C10orf143: variants seen among roughly 807,000 people sequenced by gnomAD.
C10orf143 encodes chromosome 10 open reading frame 143, also known as uncharacterized protein C10orf143.
chr10:130,104,272 T>C (rs1245151134), intron 1 of C10orf143: 2 of 152,196 alleles, frequency 1.3e-5, no homozygotes, highest in African/African-American at 4.8e-5. Flanking sequence ...CATTGAACTA[T>C]GACACATGTG....
chr10:130,071,522 C>A (rs1354781596), intron 3 of C10orf143, among the ~76,000 whole-genome samples: 4 of 152,176 alleles, frequency 2.6e-5, no homozygotes, highest in African/African-American at 9.7e-5. Flanking sequence ...TCAAGAAACC[C>A]ATCTTTATAT....
chr10:130,047,773 C>A (rs1179100056), intron 3 of C10orf143, among the ~76,000 whole-genome samples: 1 of 152,182 alleles, frequency 6.6e-6, no homozygotes, highest in Non-Finnish European at 1.5e-5. Flanking sequence ...CCTCTAGTGC[C>A]CATAAGAGAT....
At chr10:130,043,137 C>G (rs1163903498) in intron 3 of C10orf143, among the ~76,000 whole-genome samples, 1 of 152,104 alleles carries the variant, frequency 6.6e-6, no homozygotes, top group Non-Finnish European at 1.5e-5. Context: ...GAAAGTTAAG[C>G]AGCTGATATA....
intron 1 of C10orf143, among the ~76,000 whole-genome samples, chr10:130,084,151 A>C: frequency 6.6e-6 from 1 of 151,910 alleles, no homozygotes; most frequent in East Asian, 1.9e-4. Context: ...TCTACTAAAA[A>C]TACAAAAAAA....
At chr10:130,045,783 C>A (rs887662305) in intron 3 of C10orf143, among the ~76,000 whole-genome samples, 2 of 152,192 alleles carry the variant, frequency 1.3e-5, no homozygotes, top group Non-Finnish European at 2.9e-5. Flanking sequence ...TGCCTCGACT[C>A]GAGGCTCAGC....
At chr10:130,087,000 A>G (rs1380576202) in intron 1 of C10orf143, among the ~76,000 whole-genome samples, 19 of 152,234 alleles carry the variant, frequency 1.2e-4, no homozygotes, top group Admixed American at 1.2e-3. Context: ...TAGTAGGAGA[A>G]AGGAGAGCCA....
chr10:130,078,816 C>G (rs1263300270), intron 3 of C10orf143, among the ~76,000 whole-genome samples: 2 of 152,144 alleles, frequency 1.3e-5, no homozygotes, highest in African/African-American at 4.8e-5. Flanking sequence ...CAATACATTT[C>G]TCTAAAGATC....
At chr10:130,095,766 T>A (rs1280660991) in intron 1 of C10orf143, among the ~76,000 whole-genome samples, 1 of 152,180 alleles carries the variant, frequency 6.6e-6, no homozygotes, top group Non-Finnish European at 1.5e-5. Flanking sequence ...CTGGACCCCT[T>A]CCTTACACCT....
intron 1 of C10orf143, among the ~76,000 whole-genome samples, chr10:130,093,054 T>C (rs895835630): frequency 6.6e-6 from 1 of 152,168 alleles, no homozygotes; most frequent in African/African-American, 2.4e-5. Flanking sequence ...AACTCAGCTC[T>C]CGACTAAGCA....
At chr10:130,099,197 T>A (rs1359599256) in intron 1 of C10orf143, among the ~76,000 whole-genome samples, 1 of 152,104 alleles carries the variant, frequency 6.6e-6, no homozygotes, top group Non-Finnish European at 1.5e-5. Context: ...ATTTCCTATA[T>A]CTACATGGGA....
chr10:130,074,762 A>G (rs536652391), intron 3 of C10orf143, among the ~76,000 whole-genome samples: 1 of 152,330 alleles, frequency 6.6e-6, no homozygotes, highest in East Asian at 1.9e-4. Context: ...ATTTGGAGAT[A>G]AAAAGAAATA....
chr10:130,044,530 G>A (rs1159072886), intron 3 of C10orf143, among the ~76,000 whole-genome samples: 1 of 152,316 alleles, frequency 6.6e-6, no homozygotes, highest in East Asian at 1.9e-4. Context: ...TTTGAGGAAG[G>A]GGGTTTCATT....
chr10:130,052,294 G>A (rs1860745954), intron 3 of C10orf143, among the ~76,000 whole-genome samples: 1 of 152,102 alleles, frequency 6.6e-6, no homozygotes. Flanking sequence ...GGGGGTCCAT[G>A]TACCCCACAC....
intron 3 of C10orf143, among the ~76,000 whole-genome samples, chr10:130,041,278 G>A (rs905087975): frequency 2.0e-5 from 3 of 152,226 alleles, no homozygotes; most frequent in African/African-American, 7.2e-5. Context: ...GGTATCACCA[G>A]CTTGACCTCT....
At chr10:130,102,522 C>A (rs1313647764) in intron 1 of C10orf143, among the ~76,000 whole-genome samples, 2 of 152,202 alleles carry the variant, frequency 1.3e-5, no homozygotes, top group African/African-American at 4.8e-5. Flanking sequence ...GATCCGCCCA[C>A]CTCGGCCTCC....
chr10:130,078,084 A>G (rs1861148748), intron 3 of C10orf143, among the ~76,000 whole-genome samples: 1 of 152,236 alleles, frequency 6.6e-6, no homozygotes, highest in Non-Finnish European at 1.5e-5. Context: ...TTCATTTCCT[A>G]CGAAACATAA....
At chr10:130,104,190 C>T (rs1218333360) in intron 1 of C10orf143, 2 of 152,210 alleles carry the variant, frequency 1.3e-5, no homozygotes, top group African/African-American at 4.8e-5. Flanking sequence ...TCTCCAGTGC[C>T]TAGGACAGGG....
chr10:130,040,396 T>C (rs1014803550), intron 3 of C10orf143, among the ~76,000 whole-genome samples: 6 of 152,246 alleles, frequency 3.9e-5, no homozygotes, highest in African/African-American at 1.2e-4. Flanking sequence ...ACTCGAAGGC[T>C]TCTTTTGCAA....
intron 3 of C10orf143, among the ~76,000 whole-genome samples, chr10:130,058,317 A>T (rs913075637): frequency 1.5e-4 from 23 of 152,272 alleles, no homozygotes; most frequent in African/African-American, 5.3e-4. Context: ...GACTGTGGAC[A>T]AGTGATGCAG....
Sources: allele counts gnomAD v4.1 joint callset (sites outside exome capture counted in the v4.1 genomes callset), GRCh38; gene constraint gnomAD v4.1.1; transcripts MANE v1.5; gene names NCBI Gene and HGNC (gene_info 2026-07-23, HGNC 2026-07-21).